The following ZNF84 variants were observed in gnomAD, a reference collection of about 807,000 sequenced individuals.
The protein encoded by ZNF84 is zinc finger protein HPF2.
ZNF84 carries 12 observed loss-of-function variants against 14.8 expected under a neutral mutation model. That is an observed-to-expected ratio of 0.81 (90% CI 0.52 to 1.31). ZNF84 has a LOEUF of 1.31. Ranked by LOEUF, ZNF84 falls within the 50% of genes most tolerant of loss-of-function variation. ZNF84 has a pLI of 0.00. For missense variants in ZNF84, 859 were observed against 878.6 expected (o/e 0.98, Z 0.28); for synonymous variants, 347 against 291.1 (o/e 1.19, Z -1.96).
In ZNF84 at chr12:133,057,552, A is replaced by G; in HGVS notation, c.837A>G (p.Thr279=). 1 of 1,614,064 alleles carries G rather than the reference A, an allele frequency of 6.2e-7. No homozygotes were observed. The highest frequency in any genetic ancestry group is 8.5e-7 in the Non-Finnish European group (1 of 1,180,004). ...GKAFSQKSQL[T]SHQRTHTGEK... is the part of the protein sequence containing the mutation. ...CCTTCTCCCAAAAGTCACAGCTCAC[A>G]TCCCATCAGCGGACACATACAGGAG... The change falls in exon 5 of 5, where the codon ACA becomes ACG. Residue 279 remains threonine (T), a synonymous_variant. Coordinates refer to ENST00000539354, the MANE Select transcript of ZNF84 (RefSeq NM_001289971.2).
In ZNF84 at chr12:133,041,371, A is replaced by G. The variant is rs1468920290; in HGVS notation, c.-97A>G. 1.7e-6 allele frequency: 2 copies of G among 1,204,716 alleles called. No individual in the cohort carries two copies. Among genetic ancestry groups the G allele is most frequent in the East Asian group, 4.6e-5 (2 of 43,066 alleles). 74.6% of individuals were successfully genotyped at this position (1,204,716 alleles called of 1,614,324 possible). On this transcript the variant is annotated 5_prime_UTR_variant, in exon 2 of 5. Coordinates refer to ENST00000539354, the MANE Select transcript of ZNF84 (RefSeq NM_001289971.2). ...AATTCATTCTCAGTGTAGAAGACCTAGCTGAGACCTCACTCCACAGTTTTG... is the reference window on the plus strand; with the variant it reads ...AATTCATTCTCAGTGTAGAAGACCTGGCTGAGACCTCACTCCACAGTTTTG...
intron 4 of ZNF84, among the ~76,000 whole-genome samples, chr12:133,052,672 T>C (rs609524): frequency 0.47 from 71,084 of 152,048 alleles, 18,387 homozygotes; most frequent in East Asian, 0.78. Flanking sequence ...CCCTATTTGA[T>C]CAGGGTCCTA....
At chr12:133,048,504 CAGCT>C in intron 3 of ZNF84, 1 of 325,446 alleles carries the variant, frequency 3.1e-6, no homozygotes, top group East Asian at 5.4e-5. Context: ...CAAGAACTAA[CAGCT>C]AGTAAATTAA....
rs1329413677 is a variant in ZNF84 at position 133,058,016 on chromosome 12, T to G, written c.1301T>G (p.Ile434Ser). ...THTGEKPHGC[I>S]QCGKAFSQKS... ...ACAGGAGAGAAACCTCATGGATGCATTCAGTGTGGGAAGGCCTTCTCCCAG... is the reference window on the plus strand; with the variant it reads ...ACAGGAGAGAAACCTCATGGATGCAGTCAGTGTGGGAAGGCCTTCTCCCAG... Residue 434 changes from isoleucine to serine, a missense_variant, in exon 5 of 5, where the codon ATT becomes AGT. By Grantham distance (142) the Ile-to-Ser change is moderately radical. Transcript: ENST00000539354. 7 of 1,609,792 alleles carry G rather than the reference T, an allele frequency of 4.3e-6. No homozygotes were observed. The highest frequency in any genetic ancestry group is 1.7e-5 in the Admixed American group (1 of 59,630).
intron 2 of ZNF84, among the ~76,000 whole-genome samples, chr12:133,041,690 C>T (rs1262047662): frequency 6.6e-6 from 1 of 152,150 alleles, no homozygotes; most frequent in Non-Finnish European, 1.5e-5. Flanking sequence ...ATATTTAAAG[C>T]CATAACATCT....
intron 4 of ZNF84, among the ~76,000 whole-genome samples, chr12:133,049,993 A>C (rs1234313576): frequency 6.6e-6 from 1 of 152,120 alleles, no homozygotes; most frequent in Non-Finnish European, 1.5e-5. Flanking sequence ...AAAGCATCCC[A>C]CACTACTCTG....
intron 2 of ZNF84, 138 bp downstream of exon 2, chr12:133,041,620 G>A: frequency 1.2e-6 from 1 of 850,868 alleles, no homozygotes; most frequent in Non-Finnish European, 2.0e-6. Flanking sequence ...GAACAAAATT[G>A]GCACAGTGAT....
rs1406744209 is a variant in ZNF84, at chr12:133,062,115, C to T, written c.*3183C>T. 1 of 152,166 alleles carries T rather than the reference C, an allele frequency of 6.6e-6. No homozygotes were observed. The highest frequency in any genetic ancestry group is 1.5e-5 in the Non-Finnish European group (1 of 68,026). The allele number at this position is 152,166 out of a possible 1,614,324, so 9.4% of individuals were successfully genotyped here. A position where few individuals can be genotyped will look rare whatever the true frequency, so the allele number is the denominator to read the frequency against. ...ACAGGAAGCATCATCTTTTCTTATT[C>T]TCTTACTGCCTGGATTTTCCCACTG... On this transcript the variant is annotated 3_prime_UTR_variant, in exon 5 of 5. Coordinates refer to ENST00000539354, the MANE Select transcript of ZNF84 (RefSeq NM_001289971.2).
At chr12:133,046,971 A>ATT (rs1250025961) in intron 2 of ZNF84, among the ~76,000 whole-genome samples, 7 of 102,796 alleles carry the variant, frequency 6.8e-5, no homozygotes, top group Admixed American at 5.5e-4. Context: ...GTATTATATT[A>ATT]TTTATATATA....
chr12:133,038,560 A>C (rs75369838), intron 1 of ZNF84, among the ~76,000 whole-genome samples: 4 of 1,728 alleles, frequency 2.3e-3, no homozygotes, highest in Admixed American at 9.9e-3. Flanking sequence ...GACCCTGTCA[A>C]AAAAAAAAAA....
At position 133,059,754 on chromosome 12, in the gene ZNF84, G is replaced by T. The variant is rs1954226002; in HGVS notation, c.*822G>T. 1 of 152,064 alleles carries T rather than the reference G, an allele frequency of 6.6e-6. No homozygotes were observed. The highest frequency in any genetic ancestry group is 6.5e-5 in the Admixed American group (1 of 15,276). The allele number at this position is 152,064 out of a possible 1,614,324, so 9.4% of individuals were successfully genotyped here. Reference sequence around the variant, plus strand: ...GTGAAGACAACACTACACACCACTGGTTTTTATTTTTTAACAATAATATAA... The same window carrying T: ...GTGAAGACAACACTACACACCACTGTTTTTTATTTTTTAACAATAATATAA... On this transcript the variant is annotated 3_prime_UTR_variant, in exon 5 of 5. Coordinates refer to ENST00000539354, the MANE Select transcript of ZNF84 (RefSeq NM_001289971.2).
intron 3 of ZNF84, 130 bp downstream of exon 3, chr12:133,048,211 G>C: frequency 2.5e-6 from 2 of 806,584 alleles, no homozygotes; most frequent in Non-Finnish European, 3.9e-6. Context: ...CTGAAACTTA[G>C]ATCACAGTTG....
chr12:133,057,730 A>C lies in ZNF84; in HGVS notation c.1015A>C (p.Arg339=). The change falls in exon 5 of 5, where the codon AGA becomes CGA. Residue 339 remains arginine, a synonymous_variant. Transcript: ENST00000539354. ...SEKSNLINHQ[R]IHTGEKPFEC... is the part of the protein sequence containing the mutation. ...AAAGTCCAATCTCATTAACCATCAG[A>C]GAATTCATACCGGTGAGAAGCCTTT... The C allele has an allele frequency of 3.1e-6, 5 of 1,614,110 alleles. No homozygotes were observed. The highest frequency in any genetic ancestry group is 4.2e-6 in the Non-Finnish European group (5 of 1,180,012).
intron 3 of ZNF84, 47 bp from the exon 4 acceptor site, chr12:133,048,699 GCCCTAAA>G: frequency 1.4e-6 from 2 of 1,380,992 alleles, no homozygotes; most frequent in Non-Finnish European, 2.0e-6. Context: ...AACTTTAGAG[GCCCTAAA>G]CCCCAAGCAG....
In ZNF84 at chr12:133,063,198, G is replaced by T; in HGVS notation, c.*4266G>T. 1.4e-6 allele frequency: 1 copy of T among 702,320 alleles called. No individual in the cohort carries two copies. 43.5% of individuals were successfully genotyped at this position (702,320 alleles called of 1,614,324 possible). A position where few individuals can be genotyped will look rare whatever the true frequency, so the allele number is the denominator to read the frequency against. On this transcript the variant is annotated 3_prime_UTR_variant, in exon 5 of 5. Transcript: ENST00000539354. The stretch of plus-strand genomic sequence containing the variant: ...TTGTGTTCCAGTACCTGGTTCTTCT[G>T]GTCTTCATGTTCAGGTCCACCTCTG...
chr12:133,053,746 A>T (rs1379216960), intron 4 of ZNF84, among the ~76,000 whole-genome samples: 8 of 152,086 alleles, frequency 5.3e-5, no homozygotes, highest in Non-Finnish European at 1.2e-4. Context: ...CTGTCTCAAA[A>T]AACAAAATTA....
chr12:133,047,444 G>A (rs1211843022), intron 2 of ZNF84, among the ~76,000 whole-genome samples: 1 of 152,176 alleles, frequency 6.6e-6, no homozygotes. Context: ...TTGGACTGGT[G>A]TCACCCTTGT....
At chr12:133,040,785 A>G (rs991374827) in intron 1 of ZNF84, 1 of 152,134 alleles carries the variant, frequency 6.6e-6, no homozygotes, top group Non-Finnish European at 1.5e-5. Flanking sequence ...ATCTCTAGTC[A>G]TATTGTGAGA....
intron 4 of ZNF84, chr12:133,050,477 C>G: frequency 2.5e-6 from 1 of 398,504 alleles, no homozygotes; most frequent in Non-Finnish European, 4.4e-6. Flanking sequence ...AGAGTATTGG[C>G]GATGCAGTGG....
Sources: gnomAD v4.1 joint callset for allele counts (sites outside exome capture counted in the v4.1 genomes callset) on GRCh38, gnomAD v4.1.1 for gene constraint, MANE v1.5 for transcripts, NCBI Gene and HGNC (gene_info 2026-07-23, HGNC 2026-07-21) for gene names.